PRSS12: variants seen among roughly 807,000 people sequenced by gnomAD.
The protein encoded by PRSS12 is neurotrypsin.
A neutral mutation model predicts 104.4 loss-of-function variants in PRSS12; 85 were observed. The observed-to-expected ratio is 0.81, with a 90% confidence interval of 0.68 to 0.98. The LOEUF (loss-of-function observed/expected upper bound fraction) is 0.98, where lower values mean the gene tolerates loss of function less well. PRSS12 is among the 50% of genes least tolerant of loss of function. The pLI, the probability that PRSS12 is intolerant of heterozygous loss-of-function variation, is 0.00. For synonymous variants in PRSS12, 454 were observed against 425.2 expected, an observed-to-expected ratio of 1.07 and a Z score of -0.83; for missense variants, 1,141 against 1,139.2, an observed-to-expected ratio of 1.00 and a Z score of -0.02.
intron 8 of PRSS12, among the ~76,000 whole-genome samples, chr4:118,304,430 C>T (rs922745022): frequency 6.6e-6 from 1 of 151,810 alleles, no homozygotes; most frequent in African/African-American, 2.4e-5. Flanking sequence ...AAATGTCATA[C>T]AAATATACCA....
chr4:118,299,996 A>G (rs1459900383), intron 8 of PRSS12, among the ~76,000 whole-genome samples: 1 of 149,672 alleles, frequency 6.7e-6, no homozygotes, highest in Non-Finnish European at 1.5e-5. Context: ...AAAAAGAAGT[A>G]CAATTTTTTA....
chr4:118,349,403 C>CAAA (rs35412799), intron 1 of PRSS12, among the ~76,000 whole-genome samples: 1 of 123,124 alleles, frequency 8.1e-6, no homozygotes, highest in African/African-American at 2.9e-5. Context: ...GAACCTATCT[C>CAAA]AAAAAAAAAA....
intron 8 of PRSS12, among the ~76,000 whole-genome samples, chr4:118,301,415 A>C (rs1032650625): frequency 3.9e-5 from 6 of 152,184 alleles, no homozygotes; most frequent in African/African-American, 1.4e-4. Flanking sequence ...ACCAAGGTTG[A>C]AAGCCACTGC....
intron 11 of PRSS12, among the ~76,000 whole-genome samples, chr4:118,286,004 C>G (rs1376235829): frequency 6.6e-6 from 1 of 152,154 alleles, no homozygotes; most frequent in Non-Finnish European, 1.5e-5. Flanking sequence ...CAGGACATTA[C>G]TAGCACAGGC....
chr4:118,335,495 A>G lies in PRSS12; in HGVS notation c.798T>C (p.Ala266=). 2 of 1,614,026 alleles carry G rather than the reference A, an allele frequency of 1.2e-6. No homozygotes were observed. The highest frequency in any genetic ancestry group is 1.7e-5 in the Admixed American group (1 of 60,006). ...TACCATGGGAAAAGCTACACGTGAC[A>G]GCAGCTGCCATCTTCTGAGGACACA... ...GGVCPQKMAA[A]VTCSFSHGPT... The change falls in exon 3 of 13, where the codon GCT becomes GCC. Residue 266 remains alanine, a synonymous_variant. Transcript: ENST00000296498.
At chr4:118,290,902 A>T (rs1333351076) in intron 11 of PRSS12, among the ~76,000 whole-genome samples, 1 of 152,130 alleles carries the variant, frequency 6.6e-6, no homozygotes, top group African/African-American at 2.4e-5. Context: ...TCCCTCCAGT[A>T]TAAAAGTATA....
rs1020838142 is a variant in PRSS12 at position 118,280,464 on chromosome 4, T to C, written c.*1472A>G. 1 of 152,272 alleles carries C rather than the reference T, an allele frequency of 6.6e-6. No homozygotes were observed. Among genetic ancestry groups the C allele is most frequent in the Non-Finnish European group, 1.5e-5 (1 of 68,052 alleles). 9.4% of individuals were successfully genotyped at this position (152,272 alleles called of 1,614,324 possible). On this transcript the variant is annotated 3_prime_UTR_variant, in exon 13 of 13. Coordinates refer to ENST00000296498, the MANE Select transcript of PRSS12 (RefSeq NM_003619.4). ...GCAAATCTGCAAAGTAGTAAAACTA[T>C]AAAGCACCTTTAGGTTTGCACCAGT...
rs1398929441 is a variant in PRSS12 at position 118,335,594 on chromosome 4, A to G, written c.699T>C (p.Tyr233=). 1.2e-6 allele frequency: 2 copies of G among 1,614,018 alleles called. No individual in the cohort carries two copies. Among genetic ancestry groups the G allele is most frequent in the South Asian group, 1.1e-5 (1 of 91,084 alleles). Residue 233 remains tyrosine (Y), a synonymous_variant, in exon 3 of 13, where the codon TAT becomes TAC. Coordinates refer to ENST00000296498, the MANE Select transcript of PRSS12 (RefSeq NM_003619.4). ...CTCCTCGGCAACGGACATTGCTCCA[A>G]TAAATGGGAATAAGGCCCAGTCCAG... ...PFSGLGLIPI[Y]WSNVRCRGDE... is the part of the protein sequence containing the mutation.
chr4:118,283,183 T>C (rs1416762325), intron 11 of PRSS12, 72 bp from the exon 12 acceptor site: 1 of 1,550,778 alleles, frequency 6.4e-7, no homozygotes, highest in Non-Finnish European at 8.9e-7. Flanking sequence ...GGAAGACTAA[T>C]GAAGATACAA....
intron 12 of PRSS12, 21 bp downstream of exon 12, chr4:118,282,810 C>G (rs924687875): frequency 6.1e-5 from 99 of 1,613,664 alleles, no homozygotes; most frequent in Admixed American, 5.0e-5. Context: ...AGGTGCCCTG[C>G]TTTTTTTGAT....
Position 118,295,069 on chromosome 4 carries a change from GA to G in PRSS12, c.1917-9del, listed in dbSNP as rs770190361. 17 of 1,613,446 alleles carry G rather than the reference GA, an allele frequency of 1.1e-5. No homozygotes were observed. The East Asian group carries it at 3.6e-4, about 34-fold the overall frequency. ...TGCCAAGGCCAACCACCCCTAAGAA[GA>G]AAATGAGCTACACATCAACGTCAGT... On this transcript the variant is annotated splice_polypyrimidine_tract_variant and intron_variant, in intron 10 of 12. Transcript: ENST00000296498.
intron 4 of PRSS12, among the ~76,000 whole-genome samples, chr4:118,327,078 C>A (rs748480977): frequency 2.0e-5 from 3 of 151,994 alleles, no homozygotes; most frequent in Non-Finnish European, 4.4e-5. Context: ...ATATGGCCTG[C>A]GGGCTGTGGG....
intron 1 of PRSS12, among the ~76,000 whole-genome samples, chr4:118,340,964 G>T (rs1724190905): frequency 6.6e-6 from 1 of 152,194 alleles, no homozygotes; most frequent in South Asian, 2.1e-4. Flanking sequence ...TGGGTATGGA[G>T]AAGAACCCTC....
chr4:118,286,629 C>G (rs1199312147), intron 11 of PRSS12, among the ~76,000 whole-genome samples: 5 of 152,202 alleles, frequency 3.3e-5, no homozygotes, highest in Admixed American at 2.6e-4. Context: ...AGAGAAAGCG[C>G]TTAATAAATG....
At position 118,294,093 on chromosome 4, in the gene PRSS12, G is replaced by T. The variant is rs139099637; in HGVS notation, c.2039+846C>A. Among the ~76,000 whole-genome samples the T allele has an allele frequency of 2.6e-5, 4 of 152,252 alleles. No individual in the cohort carries two copies. The East Asian group carries it at 7.7e-4, about 29-fold the overall frequency. On this transcript the variant is annotated intron_variant, in intron 11 of 12. Transcript: ENST00000296498. ...AATGAGGCAAAGGTATGTACCGTAT[G>T]ATATCACATAAGAAAAAACAGAAAA...
chr4:118,298,785 T>C lies in PRSS12; in HGVS notation c.1785A>G (p.Ala595=), dbSNP rs1430593983. ...GRHNCRHSED[A]GVICDYFGKK... ...TGCCAAAATAATCACAAATAACTCC[T>C]GCATCTTCACTGTGGCGGCAGTTGT... The change falls in exon 9 of 13, where the codon GCA becomes GCG. Residue 595 remains alanine, a synonymous_variant. Transcript: ENST00000296498. 4 of 1,614,204 alleles carry C rather than the reference T, an allele frequency of 2.5e-6. No homozygotes were observed. Among genetic ancestry groups the C allele is most frequent in the Admixed American group, 1.7e-5 (1 of 60,020 alleles).
At chr4:118,294,386 G>A (rs1743203075) in intron 11 of PRSS12, among the ~76,000 whole-genome samples, 1 of 152,160 alleles carries the variant, frequency 6.6e-6, no homozygotes, top group African/African-American at 2.4e-5. Context: ...CTGCCACCAT[G>A]AGCTCCGTGA....
intron 1 of PRSS12, among the ~76,000 whole-genome samples, chr4:118,339,020 G>A (rs1724131832): frequency 6.6e-6 from 1 of 152,108 alleles, no homozygotes; most frequent in Non-Finnish European, 1.5e-5. Flanking sequence ...CACACCCAAA[G>A]AGCTGTCCCA....
rs924736624 is a variant in PRSS12 at position 118,352,861 on chromosome 4, C to T, written c.-141G>A. 1.3e-5 allele frequency: 19 copies of T among 1,448,926 alleles called. No individual in the cohort carries two copies. The highest frequency in any genetic ancestry group is 8.8e-5 in the African/African-American group (6 of 68,436). 89.8% of individuals were successfully genotyped at this position (1,448,926 alleles called of 1,614,324 possible). On this transcript the variant is annotated 5_prime_UTR_variant, in exon 1 of 13. Coordinates refer to ENST00000296498, the MANE Select transcript of PRSS12 (RefSeq NM_003619.4). Reference sequence around the variant, plus strand: ...GCCCCCGCACGCGGACCGCCCTCGCCTCCCCAACCTTGCCTCCCGCCGCTG... The same window carrying T: ...GCCCCCGCACGCGGACCGCCCTCGCTTCCCCAACCTTGCCTCCCGCCGCTG...
Sources: gnomAD v4.1 joint callset for allele counts (sites outside exome capture counted in the v4.1 genomes callset) on GRCh38, gnomAD v4.1.1 for gene constraint, MANE v1.5 for transcripts, NCBI Gene and HGNC (gene_info 2026-07-23, HGNC 2026-07-21) for gene names.